Variants in IGF2BP1 observed in about 807,000 individuals in gnomAD.
IGF2BP1 encodes the protein insulin like growth factor 2 mRNA binding protein 1.
Under a neutral mutation model 74.9 loss-of-function variants are expected in IGF2BP1, and 11 were observed. The observed-to-expected ratio is 0.15, with a 90% CI of 0.09 to 0.24. The LOEUF is 0.24. Ranked by LOEUF, IGF2BP1 falls within the 10% of genes least tolerant of loss-of-function variation. IGF2BP1 has a pLI of 1.00. For missense variants in IGF2BP1, 440 were observed against 757.4 expected, an observed-to-expected ratio of 0.58 and a Z score of 4.92; for synonymous variants, 287 against 281.8, an observed-to-expected ratio of 1.02 and a Z score of -0.18.
At chr17:49,014,845 T>C (rs1462950250) in intron 2 of IGF2BP1, 1 of 985,228 alleles carries the variant, frequency 1.0e-6, no homozygotes, top group Non-Finnish European at 1.2e-6. Context: ...GGTGGGAAGC[T>C]GCCGAAGACA....
intron 2 of IGF2BP1, among the ~76,000 whole-genome samples, chr17:49,017,117 C>T (rs184411380): frequency 3.8e-4 from 58 of 151,962 alleles, no homozygotes; most frequent in African/African-American, 1.3e-3. Context: ...CAGATGGGAG[C>T]GACAACTGGG....
chr17:49,011,604 G>C (rs2041620199), intron 2 of IGF2BP1, among the ~76,000 whole-genome samples: 1 of 151,998 alleles, frequency 6.6e-6, no homozygotes, highest in Non-Finnish European at 1.5e-5. Flanking sequence ...CAGGAAGGTT[G>C]CGTGAGCTCA....
At position 48,997,941 on chromosome 17, in the gene IGF2BP1, C is replaced by T. The variant is rs369687043; in HGVS notation, c.175+21C>T. 23 of 1,609,346 alleles carry T rather than the reference C, an allele frequency of 1.4e-5. No individual in the cohort carries two copies. In the African/African-American group the frequency reaches 2.7e-4, roughly 19 times the overall value. ...CTCCGGTAAGAACACAGCCACCTCC[C>T]GGAAAAGCCACAACGAGAGCCCCGA... On this transcript the variant is annotated intron_variant, in intron 1 of 14. Transcript: ENST00000290341. The surrounding 1 kb of genome is among the most constrained non-coding windows in gnomAD (Gnocchi z 4.8).
chr17:49,017,013 A>C (rs1598133942), intron 2 of IGF2BP1, among the ~76,000 whole-genome samples: 1 of 137,656 alleles, frequency 7.3e-6, no homozygotes, highest in Non-Finnish European at 1.6e-5. Context: ...CCGCCTCTCC[A>C]CCCTGTAGGG....
At position 49,051,156 on chromosome 17, in the gene IGF2BP1, T is replaced by TA. The variant is rs2042162495; in HGVS notation, c.*1712_*1713insA. The TA allele has an allele frequency of 6.6e-6, 1 of 152,640 alleles. No homozygotes were observed. Among genetic ancestry groups the TA allele is most frequent in the Admixed American group, 6.5e-5 (1 of 15,280 alleles). 9.5% of individuals were successfully genotyped at this position (152,640 alleles called of 1,614,324 possible). ...CCCCATTAAAAAAATTTTTTTTTGA[T>TA]TTTTGTTTTTTTGCAGCTTGCTGAT... is the stretch of plus-strand genomic sequence containing the variant. On this transcript the variant is annotated 3_prime_UTR_variant, in exon 15 of 15. Coordinates refer to ENST00000290341, the MANE Select transcript of IGF2BP1 (RefSeq NM_006546.4).
At chr17:49,033,731 A>G (rs2041950548) in intron 5 of IGF2BP1, among the ~76,000 whole-genome samples, 1 of 152,168 alleles carries the variant, frequency 6.6e-6, no homozygotes. Context: ...CATTTTACAG[A>G]CATACCAAAT....
chr17:49,026,279 C>T (rs1459273045), intron 3 of IGF2BP1, 187 bp from the exon 4 acceptor site: 3 of 532,120 alleles, frequency 5.6e-6, no homozygotes, highest in Non-Finnish European at 6.7e-6. Flanking sequence ...AACTTAAGTA[C>T]ACTCCTGCAA....
At chr17:49,033,232 T>C (rs2041945670) in intron 5 of IGF2BP1, among the ~76,000 whole-genome samples, 1 of 152,190 alleles carries the variant, frequency 6.6e-6, no homozygotes, top group Admixed American at 6.5e-5. Context: ...CACTGCAACC[T>C]GCGCCTCCTG....
At chr17:49,009,845 C>T (rs567380670) in intron 2 of IGF2BP1, among the ~76,000 whole-genome samples, 11 of 152,032 alleles carry the variant, frequency 7.2e-5, no homozygotes, top group Non-Finnish European at 1.2e-4. Context: ...TTTGGGAGGC[C>T]GAGGTGGGTG....
At chr17:49,036,080 G>A (rs1027491082) in intron 5 of IGF2BP1, among the ~76,000 whole-genome samples, 8 of 138,116 alleles carry the variant, frequency 5.8e-5, no homozygotes. Flanking sequence ...CAACTGGTGC[G>A]GGGTTGACTG....
rs2042181469 is a variant in IGF2BP1, at chr17:49,052,717, C to T, written c.*3273C>T. ...AACTCCTTGCCCTCCTGCTCAGCAC[C>T]TCCATTTCCCCATCCTTGGTGAGAT... On this transcript the variant is annotated 3_prime_UTR_variant, in exon 15 of 15. Coordinates refer to ENST00000290341, the MANE Select transcript of IGF2BP1 (RefSeq NM_006546.4). 1 of 152,514 alleles carries T rather than the reference C, an allele frequency of 6.6e-6. No homozygotes were observed. Among genetic ancestry groups the T allele is most frequent in the African/African-American group, 2.4e-5 (1 of 41,412 alleles). 9.4% of individuals were successfully genotyped at this position (152,514 alleles called of 1,614,324 possible). A position where few individuals can be genotyped will look rare whatever the true frequency, so the allele number is the denominator to read the frequency against.
At chr17:49,040,308 G>C (rs1403303118) in intron 7 of IGF2BP1, among the ~76,000 whole-genome samples, 1 of 152,202 alleles carries the variant, frequency 6.6e-6, no homozygotes, top group Non-Finnish European at 1.5e-5. Flanking sequence ...CTCTGCCTCT[G>C]GATCTCAAGG....
intron 9 of IGF2BP1, among the ~76,000 whole-genome samples, chr17:49,042,805 T>C (rs904148575): frequency 4.6e-5 from 7 of 152,112 alleles, no homozygotes; most frequent in Non-Finnish European, 1.0e-4. Flanking sequence ...GCCTCCCAAG[T>C]ACCTAGGAGA....
chr17:49,016,399 T>TTG (rs754426383), intron 2 of IGF2BP1, among the ~76,000 whole-genome samples: 19 of 152,070 alleles, frequency 1.2e-4, no homozygotes, highest in East Asian at 3.9e-4. Flanking sequence ...GGTGTGTGTA[T>TTG]TGTGTGTGTG....
rs541913987 is a variant in IGF2BP1, at chr17:49,025,681, GA to G, written c.285+18del. On this transcript the variant is annotated intron_variant, in intron 3 of 14. Transcript: ENST00000290341. ...TCCGATGGGAAGTAAGTGTTTGGGGGAAACTCTAAATGGAGTGGGATAGTGG... is the reference window on the plus strand; with the variant it reads ...TCCGATGGGAAGTAAGTGTTTGGGGGAACTCTAAATGGAGTGGGATAGTGG... The G allele has an allele frequency of 8.1e-5, 131 of 1,609,768 alleles. No homozygotes were observed. The highest frequency in any genetic ancestry group is 2.2e-4 in the Admixed American group (13 of 59,846).
In IGF2BP1 at chr17:48,997,597, C is replaced by G; in HGVS notation, c.-149C>G. On this transcript the variant is annotated 5_prime_UTR_variant, in exon 1 of 15. Coordinates refer to ENST00000290341, the MANE Select transcript of IGF2BP1 (RefSeq NM_006546.4). The surrounding 1 kb of genome is among the most constrained non-coding windows in gnomAD (Gnocchi z 4.8). ...GCGCCCTCAGGCCGCCTTCCCCGCC[C>G]TGGGCTCGGGACAACTTCTGGGGTG... 1.2e-6 allele frequency: 1 copy of G among 838,722 alleles called. No individual in the cohort carries two copies. The highest frequency in any genetic ancestry group is 1.8e-6 in the Non-Finnish European group (1 of 551,678). 52.0% of individuals were successfully genotyped at this position (838,722 alleles called of 1,614,324 possible). A position where few individuals can be genotyped will look rare whatever the true frequency, so the allele number is the denominator to read the frequency against.
intron 2 of IGF2BP1, among the ~76,000 whole-genome samples, chr17:49,014,383 G>A (rs1417303810): frequency 6.6e-6 from 1 of 150,388 alleles, no homozygotes; most frequent in Non-Finnish European, 1.5e-5. Flanking sequence ...GCTCCACCGC[G>A]AGGGGCCGTG....
chr17:49,020,751 C>T (rs760114537), intron 2 of IGF2BP1, among the ~76,000 whole-genome samples: 5 of 152,090 alleles, frequency 3.3e-5, no homozygotes, highest in African/African-American at 9.7e-5. Context: ...CTATTAACTT[C>T]TTCTTCCAGC....
chr17:49,020,321 C>A (rs913316824), intron 2 of IGF2BP1, among the ~76,000 whole-genome samples: 2 of 152,138 alleles, frequency 1.3e-5, no homozygotes, highest in South Asian at 2.1e-4. Context: ...GGATTACAGG[C>A]GTGAGCCACC....
Sources: allele counts gnomAD v4.1 joint callset (sites outside exome capture counted in the v4.1 genomes callset), GRCh38; gene constraint gnomAD v4.1.1; non-coding constraint Gnocchi (gnomAD v3.1); transcripts MANE v1.5; gene names NCBI Gene and HGNC (gene_info 2026-07-23, HGNC 2026-07-21).